Variants in BAZ2B observed in about 807,000 individuals in gnomAD.
The protein encoded by BAZ2B is bromodomain adjacent to zinc finger domain 2B.
A neutral mutation model predicts 246.0 loss-of-function variants in BAZ2B; 91 were observed. The observed-to-expected ratio is 0.37, with a 90% CI of 0.31 to 0.44. The LOEUF (loss-of-function observed/expected upper bound fraction) is 0.44. BAZ2B is among the 20% of genes least tolerant of loss of function. BAZ2B has a pLI of 1.00. For synonymous variants in BAZ2B, 855 were observed against 860.0 expected, an observed-to-expected ratio of 0.99 and a Z score of 0.10; for missense variants, 2,332 against 2,533.7, an observed-to-expected ratio of 0.92 and a Z score of 1.71.
intron 30 of BAZ2B, among the ~76,000 whole-genome samples, chr2:159,348,159 A>G (rs6758703): frequency 0.067 from 10,143 of 151,622 alleles, 584 homozygotes; most frequent in East Asian, 0.32. Flanking sequence ...TCTCTACAAA[A>G]AATAAAAAAA....
At chr2:159,394,054 G>A (rs1199994859) in intron 20 of BAZ2B, among the ~76,000 whole-genome samples, 1 of 151,902 alleles carries the variant, frequency 6.6e-6, no homozygotes, top group Non-Finnish European at 1.5e-5. Context: ...ATAACGTTCT[G>A]GGTTATTTTA....
At chr2:159,456,918 T>C (rs2075843485) in intron 3 of BAZ2B, among the ~76,000 whole-genome samples, 1 of 152,188 alleles carries the variant, frequency 6.6e-6, no homozygotes, top group Admixed American at 6.5e-5. Context: ...AGGGAAATAA[T>C]TTAAGAATAC....
the BAZ2B span, among the ~76,000 whole-genome samples, chr2:159,701,606 T>A: frequency 6.7e-6 from 1 of 148,704 alleles, no homozygotes; most frequent in Non-Finnish European, 1.5e-5. Flanking sequence ...AAATTTGACT[T>A]CATATTTTAT....
chr2:159,588,672 C>T (rs976169178), intron 1 of BAZ2B, among the ~76,000 whole-genome samples: 1 of 152,140 alleles, frequency 6.6e-6, no homozygotes, highest in Admixed American at 6.6e-5. Flanking sequence ...GTCATTATGA[C>T]AAACCAAAAC....
At chr2:159,486,989 T>C (rs960373642) in intron 2 of BAZ2B, among the ~76,000 whole-genome samples, 6 of 152,158 alleles carry the variant, frequency 3.9e-5, no homozygotes, top group African/African-American at 2.4e-5. Flanking sequence ...TCATAGACTA[T>C]TTCTAGAAAA....
At chr2:159,411,586 A>T (rs985812312) in intron 14 of BAZ2B, among the ~76,000 whole-genome samples, 1 of 152,212 alleles carries the variant, frequency 6.6e-6, no homozygotes. Flanking sequence ...AGGTATCTAC[A>T]CATATGTTGA....
intron 22 of BAZ2B, 93 bp from the exon 23 acceptor site, chr2:159,385,462 ATAC>A: frequency 8.8e-7 from 1 of 1,133,712 alleles, no homozygotes; most frequent in Non-Finnish European, 1.3e-6. Flanking sequence ...TTTGATTTAG[ATAC>A]TACTGACAAG....
intron 1 of BAZ2B, among the ~76,000 whole-genome samples, chr2:159,611,206 T>A (rs767555512): frequency 6.6e-6 from 1 of 151,948 alleles, no homozygotes; most frequent in South Asian, 2.1e-4. Flanking sequence ...AACTACAGGA[T>A]GTTTATGTGT....
chr2:159,397,379 A>G lies in BAZ2B; in HGVS notation c.2975T>C (p.Met992Thr). ...CAGAAGAACAGCTTGTTGTCTTCTC[A>G]TTTCTTTTTCCTTAAAAATAAGAAA... Reference protein sequence around the residue: ...EAEKRIKEKEMRRQQAVLLKH... With the variant: ...EAEKRIKEKETRRQQAVLLKH... The change falls in exon 19 of 37, where the codon ATG (methionine) becomes ACG (threonine). Residue 992 changes from methionine (M) to threonine (T), a missense_variant. This residue lies in a region of BAZ2B where 328 missense variants were observed against 410.4 expected (regional missense o/e 0.80). Transcript: ENST00000392783. 3 of 1,548,936 alleles carry G rather than the reference A, an allele frequency of 1.9e-6. No individual in the cohort carries two copies. Among genetic ancestry groups the G allele is most frequent in the Non-Finnish European group, 8.8e-7 (1 of 1,135,154 alleles).
chr2:159,699,812 G>T, the BAZ2B span, among the ~76,000 whole-genome samples: 29 of 152,214 alleles, frequency 1.9e-4, no homozygotes, highest in African/African-American at 6.0e-4. Flanking sequence ...ACAACTCCTA[G>T]AACTTTATCT....
chr2:159,398,794 C>CA, intron 18 of BAZ2B, 35 bp downstream of exon 18: 1 of 1,572,724 alleles, frequency 6.4e-7, no homozygotes, highest in Non-Finnish European at 8.6e-7. Context: ...TTTTATTTTT[C>CA]AAAAATAAAA....
intron 14 of BAZ2B, among the ~76,000 whole-genome samples, chr2:159,409,047 G>GT (rs201962998): frequency 0.04 from 5,940 of 147,632 alleles, 160 homozygotes; most frequent in African/African-American, 0.088. Context: ...TCATTTATTT[G>GT]TTTTTTTTTT....
intron 1 of BAZ2B, among the ~76,000 whole-genome samples, chr2:159,602,563 C>T (rs571278589): frequency 5.9e-5 from 9 of 152,212 alleles, no homozygotes; most frequent in African/African-American, 2.2e-4. Flanking sequence ...GATGAAAATA[C>T]TATACAATGA....
At chr2:159,417,253 C>T (rs999531227) in intron 13 of BAZ2B, among the ~76,000 whole-genome samples, 9 of 151,542 alleles carry the variant, frequency 5.9e-5, no homozygotes, top group Non-Finnish European at 8.8e-5. Context: ...TCACTGCAAC[C>T]TCTGCCTCTT....
chr2:159,425,877 A>G (rs1264063482), intron 13 of BAZ2B, among the ~76,000 whole-genome samples: 3 of 152,186 alleles, frequency 2.0e-5, no homozygotes, highest in African/African-American at 7.2e-5. Context: ...ATATGCTTAA[A>G]CCTATTAATC....
At chr2:159,564,893 C>T (rs1265201212) in intron 1 of BAZ2B, among the ~76,000 whole-genome samples, 1 of 152,104 alleles carries the variant, frequency 6.6e-6, no homozygotes, top group Non-Finnish European at 1.5e-5. Context: ...TTTTTTGAGG[C>T]AGAGTCTCAC....
At chr2:159,557,161 G>A (rs1262636365) in intron 1 of BAZ2B, among the ~76,000 whole-genome samples, 3 of 121,452 alleles carry the variant, frequency 2.5e-5, no homozygotes, top group Non-Finnish European at 5.0e-5. Context: ...TTTTTTCCCT[G>A]CCTCAGCCTC....
At chr2:159,422,352 G>T (rs1263821626) in intron 13 of BAZ2B, among the ~76,000 whole-genome samples, 2 of 152,060 alleles carry the variant, frequency 1.3e-5, no homozygotes, top group Non-Finnish European at 2.9e-5. Context: ...ATACTACAAG[G>T]CTACAGTAAC....
chr2:159,614,565 G>A (rs1379593861), intron 1 of BAZ2B, among the ~76,000 whole-genome samples: 1 of 151,872 alleles, frequency 6.6e-6, no homozygotes, highest in African/African-American at 2.4e-5. Flanking sequence ...CCATAAGGGA[G>A]AGTGGAGCAA....
Sources: allele counts gnomAD v4.1 joint callset (sites outside exome capture counted in the v4.1 genomes callset), GRCh38; gene constraint gnomAD v4.1.1; regional missense constraint gnomAD v4.1.1; transcripts MANE v1.5; gene names NCBI Gene and HGNC (gene_info 2026-07-23, HGNC 2026-07-21).